Variants in UPRT observed in about 807,000 individuals in gnomAD.
UPRT encodes the protein RP11-311P8.3.
Under a neutral mutation model 22.6 loss-of-function variants are expected in UPRT, and 5 were observed. That is an observed-to-expected ratio of 0.22 (90% CI 0.12 to 0.47). The LOEUF is 0.47. UPRT is among the 20% of genes least tolerant of loss of function. The probability of loss-of-function intolerance (pLI) is 0.99; values close to 1 mark genes in which losing one functional copy is unlikely to be tolerated. For synonymous variants in UPRT, 77 were observed against 87.7 expected, an observed-to-expected ratio of 0.88 and a Z score of 0.68; for missense variants, 181 against 239.9, an observed-to-expected ratio of 0.75 and a Z score of 1.62.
chrX:75,255,217 A>G (rs193239896), intron 4 of UPRT, among the ~76,000 whole-genome samples: 25 of 111,960 alleles, frequency 2.2e-4, no homozygotes, highest in African/African-American at 6.8e-4. Flanking sequence ...TCAAACAAAA[A>G]AATTATCATC....
intron 4 of UPRT, among the ~76,000 whole-genome samples, chrX:75,177,639 A>G (rs1178332375): frequency 9.0e-6 from 1 of 111,618 alleles, no homozygotes; most frequent in Non-Finnish European, 1.9e-5. Context: ...TTTTGTCCTC[A>G]CTTATATAAA....
chrX:75,253,939 C>G (rs765423650), intron 4 of UPRT, among the ~76,000 whole-genome samples: 4 of 111,264 alleles, frequency 3.6e-5, no homozygotes. Flanking sequence ...AACTAGCAAC[C>G]CATCTCTGCC....
chrX:75,236,373 C>G (rs934750187), intron 4 of UPRT, among the ~76,000 whole-genome samples: 20 of 111,321 alleles, frequency 1.8e-4, no homozygotes, highest in Non-Finnish European at 3.4e-4. Flanking sequence ...GCCATACTGC[C>G]CAAGGTAATT....
chrX:75,176,931 T>C (rs912537421), intron 4 of UPRT, among the ~76,000 whole-genome samples: 2 of 111,299 alleles, frequency 1.8e-5, no homozygotes, highest in Non-Finnish European at 3.8e-5. Context: ...TGCCAAGCCG[T>C]AGTGCAGAAA....
chrX:75,188,259 C>T (rs1291702633), intron 4 of UPRT, among the ~76,000 whole-genome samples: 4 of 111,609 alleles, frequency 3.6e-5, no homozygotes, highest in South Asian at 3.8e-4. Flanking sequence ...CCCTCAGCTG[C>T]AGCTCTTTTG....
chrX:75,206,501 A>T (rs1342323384), intron 4 of UPRT, among the ~76,000 whole-genome samples: 2 of 111,197 alleles, frequency 1.8e-5, no homozygotes, highest in African/African-American at 6.5e-5. Context: ...AATAACCGGC[A>T]TAAAAATGGT....
At chrX:75,216,864 C>G (rs775248710) in intron 4 of UPRT, among the ~76,000 whole-genome samples, 1 of 112,155 alleles carries the variant, frequency 8.9e-6, no homozygotes, top group South Asian at 3.7e-4. Context: ...ACGCCATTCT[C>G]CTGCCTCAGC....
At chrX:75,166,547 A>T (rs1408092506) in intron 3 of UPRT, among the ~76,000 whole-genome samples, 1 of 111,825 alleles carries the variant, frequency 8.9e-6, no homozygotes, top group East Asian at 2.8e-4. Context: ...ATCTGCTCAG[A>T]TCCTCTACTC....
intron 4 of UPRT, among the ~76,000 whole-genome samples, chrX:75,257,385 A>G (rs1020785454): frequency 9.0e-6 from 1 of 111,728 alleles, no homozygotes; most frequent in East Asian, 2.8e-4. Context: ...AATAAAAGCC[A>G]TCTATGACAA....
At chrX:75,302,364 T>A (rs1202487650) in intron 6 of UPRT, among the ~76,000 whole-genome samples, 1 of 111,649 alleles carries the variant, frequency 9.0e-6, no homozygotes, top group East Asian at 2.8e-4. Flanking sequence ...TTAGTTCTAA[T>A]AGTATACATG....
In UPRT at chrX:75,212,396, A is replaced by G. The variant is rs2082382530; in HGVS notation, c.-447+44517A>G. On this transcript the variant is annotated intron_variant, in intron 4 of 13. Transcript: ENST00000652605. ...TTAAGAAACTCACTCAAAACCACAC[A>G]ACTACATGAAAATTGAACAGCCTGC... Among the ~76,000 whole-genome samples, 6 of 112,117 alleles carry G rather than the reference A, an allele frequency of 5.4e-5. No homozygotes were observed. The South Asian group carries it at 2.2e-3, about 42-fold the overall frequency.
intron 4 of UPRT, among the ~76,000 whole-genome samples, chrX:75,246,186 T>C (rs1176074692): frequency 9.2e-6 from 1 of 108,954 alleles, no homozygotes; most frequent in Non-Finnish European, 1.9e-5. Flanking sequence ...ACATGTGCCA[T>C]GTTGGTGTGC....
intron 4 of UPRT, among the ~76,000 whole-genome samples, chrX:75,228,221 G>A (rs1370575673): frequency 8.9e-6 from 1 of 111,991 alleles, no homozygotes; most frequent in African/African-American, 3.2e-5. Context: ...TTCAAATTGA[G>A]GCAAGGGCTC....
intron 4 of UPRT, among the ~76,000 whole-genome samples, chrX:75,241,183 A>G (rs1191022443): frequency 9.0e-6 from 1 of 111,625 alleles, no homozygotes; most frequent in Non-Finnish European, 1.9e-5. Flanking sequence ...CATCCAACAA[A>G]GGACTAATAT....
chrX:75,274,774 T>TGG lies in UPRT; in HGVS notation c.386+135_386+136dup, dbSNP rs1212166644. On this transcript the variant is annotated intron_variant, in intron 1 of 6. Coordinates refer to ENST00000373383, the MANE Select transcript of UPRT (RefSeq NM_145052.4). ...GGAGATTGGGGTAAGACCTTTTATT[T>TGG]GGTGTGTGTGTGTGTGTGTGTGTGT... 1.0e-5 allele frequency: 6 copies of TGG among 588,488 alleles called. No homozygotes were observed. The African/African-American group carries it at 1.6e-4, about 16-fold the overall frequency. 48.5% of individuals were successfully genotyped at this position (588,488 alleles called of 1,213,427 possible).
At chrX:75,248,218 G>C (rs1230615263) in intron 4 of UPRT, among the ~76,000 whole-genome samples, 3 of 112,003 alleles carry the variant, frequency 2.7e-5, no homozygotes. Flanking sequence ...AACAGAGAAT[G>C]ACTTTGACGA....
chrX:75,223,871 T>C (rs1195477992), intron 4 of UPRT, among the ~76,000 whole-genome samples: 1 of 111,974 alleles, frequency 8.9e-6, no homozygotes, highest in African/African-American at 3.2e-5. Flanking sequence ...TTAAATTTGG[T>C]GTTCCTGTGG....
At chrX:75,193,780 T>C (rs892432187) in intron 4 of UPRT, among the ~76,000 whole-genome samples, 1 of 111,781 alleles carries the variant, frequency 8.9e-6, no homozygotes, top group Non-Finnish European at 1.9e-5. Flanking sequence ...GAAATTCTTG[T>C]AGTGTGTTTT....
At chrX:75,297,218 T>G (rs1206593871) in intron 3 of UPRT, among the ~76,000 whole-genome samples, 1 of 111,893 alleles carries the variant, frequency 8.9e-6, no homozygotes, top group East Asian at 2.8e-4. Context: ...GTTTGAGGAA[T>G]GTGTATGTGA....
Sources: gnomAD v4.1 joint callset for allele counts (sites outside exome capture counted in the v4.1 genomes callset) on GRCh38, gnomAD v4.1.1 for gene constraint, MANE v1.5 for transcripts, NCBI Gene and HGNC (gene_info 2026-07-23, HGNC 2026-07-21) for gene names.